Variants in PPP2R2C observed in about 807,000 individuals in gnomAD.
PPP2R2C encodes the protein protein phosphatase 2 regulatory subunit Bgamma.
Under a neutral mutation model 45.3 loss-of-function variants are expected in PPP2R2C, and 10 were observed. The ratio of observed to expected loss-of-function variants is 0.22; its 90% CI spans 0.14 to 0.37. The LOEUF (loss-of-function observed/expected upper bound fraction) is 0.37. PPP2R2C is among the 10% of genes least tolerant of loss of function. The pLI, the probability that PPP2R2C is intolerant of heterozygous loss-of-function variation, is 1.00. For synonymous variants in PPP2R2C, 257 were observed against 245.4 expected (o/e 1.05, Z -0.44); for missense variants, 308 against 619.7 (o/e 0.50, Z 5.34).
At chr4:6,346,588 C>T (rs373358251) in intron 6 of PPP2R2C, among the ~76,000 whole-genome samples, 24 of 152,316 alleles carry the variant, frequency 1.6e-4, no homozygotes, top group South Asian at 8.3e-4. Flanking sequence ...CAGGAATAGG[C>T]GCCTACTGAA....
rs1732467103 is a variant in PPP2R2C, at chr4:6,332,264, G to A, written c.960+1298C>T. On this transcript the variant is annotated intron_variant, in intron 7 of 8. Coordinates refer to ENST00000382599, the MANE Select transcript of PPP2R2C (RefSeq NM_020416.4). The surrounding 1 kb of genome is among the most constrained non-coding windows in gnomAD (Gnocchi z 4.9). ...GCCAGAGAGTTGCTCCTGCAGGCTT[G>A]AGCCGGGCTTATCCTGTCCCTCTCC... is the stretch of plus-strand genomic sequence containing the variant. Among the ~76,000 whole-genome samples, 1 of 152,206 alleles carries A rather than the reference G, an allele frequency of 6.6e-6. No individual in the cohort carries two copies. Among genetic ancestry groups the A allele is most frequent in the South Asian group, 2.1e-4 (1 of 4,826 alleles).
chr4:6,371,113 T>C (rs1481402105), intron 5 of PPP2R2C, among the ~76,000 whole-genome samples: 1 of 152,128 alleles, frequency 6.6e-6, no homozygotes, highest in Non-Finnish European at 1.5e-5. Context: ...TGAGGAGGCA[T>C]GATTGAAAAG....
rs187444644 is a variant in PPP2R2C, at chr4:6,346,305, C to T, written c.790+1541G>A. On this transcript the variant is annotated intron_variant, in intron 6 of 8. Coordinates refer to ENST00000382599, the MANE Select transcript of PPP2R2C (RefSeq NM_020416.4). ...GAACAAAACCCAGTCCCTCCCTTGA[C>T]CTACAGGCAATGTGTGGAGTCACGG... Among the ~76,000 whole-genome samples, 41 of 152,324 alleles carry T rather than the reference C, an allele frequency of 2.7e-4. No homozygotes were observed. The East Asian group carries it at 7.5e-3, about 28-fold the overall frequency.
intron 1 of PPP2R2C, among the ~76,000 whole-genome samples, chr4:6,403,273 C>T (rs960132741): frequency 6.6e-6 from 1 of 152,200 alleles, no homozygotes; most frequent in African/African-American, 2.4e-5. Flanking sequence ...TCTCAGAGGT[C>T]GGAGCCTCAG....
chr4:6,329,790 C>T lies in PPP2R2C; in HGVS notation c.961-437G>A, dbSNP rs1042767853. ...AACAGAACGCTCACAGCACAGGGGC[C>T]AGGACCACCTGGGGTCCAGATCCTG... On this transcript the variant is annotated intron_variant, in intron 7 of 8. Transcript: ENST00000382599. This position sits in a 1 kb window ranked among gnomAD's most constrained non-coding sequence, Gnocchi z 5.8. Among the ~76,000 whole-genome samples, 3 of 152,212 alleles carry T rather than the reference C, an allele frequency of 2.0e-5. No homozygotes were observed. Among genetic ancestry groups the T allele is most frequent in the African/African-American group, 7.2e-5 (3 of 41,458 alleles).
intron 1 of PPP2R2C, among the ~76,000 whole-genome samples, chr4:6,466,448 T>A (rs1276343541): frequency 2.0e-5 from 3 of 152,136 alleles, no homozygotes; most frequent in South Asian, 4.1e-4. Context: ...CCTGGAAAAT[T>A]CCTATAATCT....
chr4:6,453,468 C>G (rs914410123), intron 1 of PPP2R2C, among the ~76,000 whole-genome samples: 1 of 152,112 alleles, frequency 6.6e-6, no homozygotes, highest in Non-Finnish European at 1.5e-5. Flanking sequence ...TGGGCAAAGG[C>G]TGGAAACTGC....
At chr4:6,445,021 C>CA (rs368834006) in intron 1 of PPP2R2C, among the ~76,000 whole-genome samples, 91 of 148,052 alleles carry the variant, frequency 6.1e-4, no homozygotes, top group South Asian at 1.7e-3. Context: ...CCCAACTCTA[C>CA]AAAAAAAAAA....
At chr4:6,350,273 T>C (rs1712419297) in intron 5 of PPP2R2C, 1 of 985,364 alleles carries the variant, frequency 1.0e-6, no homozygotes. Flanking sequence ...ATGCCTCCCA[T>C]GGCTTTCCAG....
At chr4:6,438,143 G>C (rs1241306923) in intron 1 of PPP2R2C, among the ~76,000 whole-genome samples, 1 of 152,236 alleles carries the variant, frequency 6.6e-6, no homozygotes, top group African/African-American at 2.4e-5. Context: ...TATTACAGCA[G>C]TATCTGGTCT....
intron 1 of PPP2R2C, among the ~76,000 whole-genome samples, chr4:6,428,867 C>T (rs2019126): frequency 0.1 from 15,150 of 152,246 alleles, 982 homozygotes; most frequent in Non-Finnish European, 0.14. Flanking sequence ...AGTGGCAGAG[C>T]GGGTTTCGAA....
chr4:6,522,491 G>A (rs1181087457), intron 2 of PPP2R2C, among the ~76,000 whole-genome samples: 2 of 152,228 alleles, frequency 1.3e-5, no homozygotes, highest in Non-Finnish European at 2.9e-5. Context: ...TGCTTCCAGA[G>A]CTCCAAGAAT....
chr4:6,397,844 CT>C (rs1717148295), intron 1 of PPP2R2C, among the ~76,000 whole-genome samples: 1 of 152,146 alleles, frequency 6.6e-6, no homozygotes, highest in African/African-American at 2.4e-5. Context: ...GCCAAAATGA[CT>C]TTGCAATAAA....
intron 1 of PPP2R2C, among the ~76,000 whole-genome samples, chr4:6,405,453 C>T (rs1717731418): frequency 6.6e-6 from 1 of 152,168 alleles, no homozygotes; most frequent in Non-Finnish European, 1.5e-5. Flanking sequence ...ATGAACAGAC[C>T]ACAGGGAGGA....
At chr4:6,408,938 T>C (rs2109363489) in intron 1 of PPP2R2C, among the ~76,000 whole-genome samples, 1 of 151,674 alleles carries the variant, frequency 6.6e-6, no homozygotes, top group South Asian at 2.1e-4. Context: ...TACTTGTTGA[T>C]TTTTTTAAAC....
chr4:6,532,941 C>T (rs554759317), intron 2 of PPP2R2C, among the ~76,000 whole-genome samples: 9 of 152,270 alleles, frequency 5.9e-5, no homozygotes, highest in East Asian at 5.8e-4. Context: ...GAGTGGGAGG[C>T]GAGCTCAACA....
intron 1 of PPP2R2C, among the ~76,000 whole-genome samples, chr4:6,446,779 C>T (rs1187113543): frequency 6.6e-6 from 1 of 151,900 alleles, no homozygotes; most frequent in Non-Finnish European, 1.5e-5. Flanking sequence ...GCAGGCATGG[C>T]AGGCGCTGCT....
At chr4:6,386,932 T>C (rs2109324764) in intron 1 of PPP2R2C, among the ~76,000 whole-genome samples, 1 of 152,104 alleles carries the variant, frequency 6.6e-6, no homozygotes, top group East Asian at 1.9e-4. Context: ...AACTTAAAAA[T>C]ACCATGTCTG....
At chr4:6,413,910 T>C (rs1238296928) in intron 1 of PPP2R2C, 6 of 1,535,944 alleles carry the variant, frequency 3.9e-6, no homozygotes, top group Non-Finnish European at 5.2e-6. Context: ...CACCCGTGTC[T>C]CTCTTTCCCA....
Sources: gnomAD v4.1 joint callset for allele counts (sites outside exome capture counted in the v4.1 genomes callset) on GRCh38, gnomAD v4.1.1 for gene constraint, Gnocchi (gnomAD v3.1) non-coding constraint, MANE v1.5 for transcripts, NCBI Gene and HGNC (gene_info 2026-07-23, HGNC 2026-07-21) for gene names.